The following CRYZL1 variants were observed in gnomAD, a reference collection of about 807,000 sequenced individuals.
The protein encoded by CRYZL1 is ferry endosomal RAB5 effector complex subunit 4.
In CRYZL1, 34 loss-of-function variants were observed where a neutral mutation model predicts 50.6. That is an observed-to-expected ratio of 0.67 (90% CI 0.51 to 0.89). CRYZL1 has a LOEUF of 0.89. Ranked by LOEUF, CRYZL1 falls within the 40% of genes least tolerant of loss-of-function variation. The pLI, the probability that CRYZL1 is intolerant of heterozygous loss-of-function variation, is 0.00. For synonymous variants in CRYZL1, 125 were observed against 134.3 expected (o/e 0.93, Z 0.48); for missense variants, 354 against 402.3 (o/e 0.88, Z 1.03).
chr21:33,597,166 G>T, intron 10 of CRYZL1, 114 bp downstream of exon 10: 2 of 1,083,970 alleles, frequency 1.8e-6, no homozygotes, highest in Non-Finnish European at 2.7e-6. Flanking sequence ...CACCATGCCT[G>T]GCCCAGATTT....
In CRYZL1 at chr21:33,613,524, G is replaced by A. The variant is rs745892281; in HGVS notation, c.331+14C>T. Reference sequence around the variant, plus strand: ...AGACTTATGTGAGCTCCAAAGTACTGAATTGCTACATACCCAAGTAATGCT... The same window carrying A: ...AGACTTATGTGAGCTCCAAAGTACTAAATTGCTACATACCCAAGTAATGCT... On this transcript the variant is annotated intron_variant, in intron 6 of 12. Transcript: ENST00000381554. The A allele has an allele frequency of 9.5e-6, 15 of 1,580,804 alleles. No homozygotes were observed. In the East Asian group the frequency reaches 3.4e-4, roughly 35 times the overall value.
At chr21:33,602,876 C>A (rs1449800636) in intron 7 of CRYZL1, among the ~76,000 whole-genome samples, 1 of 152,210 alleles carries the variant, frequency 6.6e-6, no homozygotes, top group Non-Finnish European at 1.5e-5. Context: ...CATTTCATCA[C>A]AAGCCAGTTA....
intron 7 of CRYZL1, among the ~76,000 whole-genome samples, chr21:33,602,992 T>C (rs1601330324): frequency 6.6e-6 from 1 of 152,262 alleles, no homozygotes; most frequent in Non-Finnish European, 1.5e-5. Context: ...ATATGTAATA[T>C]GTTTAAATTA....
chr21:33,638,675 C>T (rs2087240502), intron 1 of CRYZL1, among the ~76,000 whole-genome samples: 1 of 152,192 alleles, frequency 6.6e-6, no homozygotes, highest in Non-Finnish European at 1.5e-5. Flanking sequence ...CTGCAGTGCT[C>T]TTTTGTGCCT....
At chr21:33,592,982 G>T (rs2086658453) in intron 11 of CRYZL1, among the ~76,000 whole-genome samples, 1 of 151,588 alleles carries the variant, frequency 6.6e-6, no homozygotes, top group South Asian at 2.1e-4. Context: ...AACCTGGGAG[G>T]CAGAGGTTGC....
chr21:33,591,063 G>A (rs1450106252), intron 12 of CRYZL1, 99 bp downstream of exon 12: 5 of 829,378 alleles, frequency 6.0e-6, no homozygotes, highest in African/African-American at 1.7e-5. Flanking sequence ...GGAGGCAACA[G>A]GTACATGGCG....
At chr21:33,611,644 T>C (rs2086873959) in intron 6 of CRYZL1, among the ~76,000 whole-genome samples, 2 of 152,120 alleles carry the variant, frequency 1.3e-5, no homozygotes, top group South Asian at 4.1e-4. Flanking sequence ...TTTAATTCAA[T>C]AGTTCAAGAA....
At chr21:33,621,106 C>T (rs1202747748) in intron 4 of CRYZL1, among the ~76,000 whole-genome samples, 9 of 148,420 alleles carry the variant, frequency 6.1e-5, no homozygotes, top group Admixed American at 4.0e-4. Flanking sequence ...AGGGTTTCAC[C>T]GTGTTAGCCA....
intron 11 of CRYZL1, chr21:33,594,731 C>G (rs1468457169): frequency 6.7e-6 from 1 of 149,210 alleles, no homozygotes; most frequent in East Asian, 2.0e-4. Context: ...AAACCTCTGC[C>G]TCCCAGGTTC....
intron 1 of CRYZL1, among the ~76,000 whole-genome samples, chr21:33,632,281 G>A (rs946813295): frequency 1.1e-4 from 16 of 151,906 alleles, no homozygotes; most frequent in Non-Finnish European, 1.0e-4. Context: ...GCGGTGAGCC[G>A]AGATCGCGCC....
At chr21:33,593,386 G>A (rs1039173477) in intron 11 of CRYZL1, among the ~76,000 whole-genome samples, 7 of 152,050 alleles carry the variant, frequency 4.6e-5, no homozygotes, top group African/African-American at 1.4e-4. Context: ...GATTACAGGC[G>A]TGAGCCACCA....
At chr21:33,621,870 T>G in intron 4 of CRYZL1, 126 bp downstream of exon 4, 1 of 590,734 alleles carries the variant, frequency 1.7e-6, no homozygotes, top group Non-Finnish European at 2.9e-6. Context: ...AAAAAGGACA[T>G]GTTCATATAA....
intron 1 of CRYZL1, among the ~76,000 whole-genome samples, chr21:33,635,412 G>A (rs551729750): frequency 2.2e-4 from 32 of 142,328 alleles, no homozygotes; most frequent in South Asian, 8.8e-4. Flanking sequence ...GTGCAGTGGC[G>A]CCATCTCAGC....
intron 11 of CRYZL1, chr21:33,594,446 C>T (rs1203583686): frequency 6.6e-6 from 1 of 151,936 alleles, no homozygotes; most frequent in African/African-American, 2.4e-5. Context: ...AGGCATGAGC[C>T]ACTGTGCCAG....
At chr21:33,597,042 G>C (rs1424710427) in intron 10 of CRYZL1, among the ~76,000 whole-genome samples, 2 of 151,328 alleles carry the variant, frequency 1.3e-5, no homozygotes, top group Non-Finnish European at 2.9e-5. Flanking sequence ...GCTAATTTTT[G>C]TATTTTTTGT....
At chr21:33,590,111 G>A (rs1191982557) in intron 12 of CRYZL1, among the ~76,000 whole-genome samples, 190 bp from the exon 13 acceptor site, 5 of 151,886 alleles carry the variant, frequency 3.3e-5, no homozygotes, top group East Asian at 1.9e-4. Context: ...TCCGGCTCCC[G>A]GGTTCAAGCA....
chr21:33,603,381 T>C, intron 7 of CRYZL1, 23 bp downstream of exon 7: 1 of 1,612,012 alleles, frequency 6.2e-7, no homozygotes, highest in African/African-American at 1.3e-5. Context: ...TGTCTGTTTC[T>C]TAACAAAACC....
intron 6 of CRYZL1, among the ~76,000 whole-genome samples, chr21:33,606,057 C>G (rs562819470): frequency 6.6e-6 from 1 of 152,230 alleles, no homozygotes; most frequent in Admixed American, 6.5e-5. Flanking sequence ...ACATATTAAG[C>G]ACCAGGTGAT....
At chr21:33,599,091 T>G (rs2086724026) in intron 9 of CRYZL1, 59 bp downstream of exon 9, 1 of 1,523,146 alleles carries the variant, frequency 6.6e-7, no homozygotes, top group Non-Finnish European at 9.0e-7. Context: ...TAAATTTTTT[T>G]TCTTAAATTC....
Sources: allele counts gnomAD v4.1 joint callset (sites outside exome capture counted in the v4.1 genomes callset), GRCh38; gene constraint gnomAD v4.1.1; transcripts MANE v1.5; gene names NCBI Gene and HGNC (gene_info 2026-07-23, HGNC 2026-07-21).